The following FOXN3 variants were observed in gnomAD, a reference collection of about 807,000 sequenced individuals.
FOXN3 encodes forkhead box N3.
Under a neutral mutation model 38.4 loss-of-function variants are expected in FOXN3, and 7 were observed. The observed-to-expected ratio is 0.18, with a 90% CI of 0.10 to 0.34. The LOEUF is 0.34. FOXN3 is among the 10% of genes least tolerant of loss of function. FOXN3 has a pLI of 1.00. For synonymous variants in FOXN3, 230 were observed against 242.2 expected, an observed-to-expected ratio of 0.95 and a Z score of 0.47; for missense variants, 456 against 613.4, an observed-to-expected ratio of 0.74 and a Z score of 2.71.
intron 1 of FOXN3, among the ~76,000 whole-genome samples, chr14:89,559,224 A>T (rs1290003323): frequency 1.3e-5 from 2 of 152,090 alleles, no homozygotes; most frequent in Non-Finnish European, 2.9e-5. Flanking sequence ...TGCAAAAAAT[A>T]CAAAAATGTG....
At chr14:89,354,873 T>G (rs1596208856) in intron 2 of FOXN3, among the ~76,000 whole-genome samples, 1 of 151,832 alleles carries the variant, frequency 6.6e-6, no homozygotes, top group South Asian at 2.1e-4. Flanking sequence ...AATAAATAAA[T>G]AAATAAATAA....
At chr14:89,435,896 A>C (rs954188750) in intron 1 of FOXN3, among the ~76,000 whole-genome samples, 1 of 152,168 alleles carries the variant, frequency 6.6e-6, no homozygotes, top group African/African-American at 2.4e-5. Flanking sequence ...CTGAATGAAC[A>C]ACCAAGTTGC....
intron 1 of FOXN3, among the ~76,000 whole-genome samples, chr14:89,491,978 G>T (rs1456483720): frequency 6.6e-6 from 1 of 151,930 alleles, no homozygotes; most frequent in East Asian, 1.9e-4. Context: ...GTTTTGTTTT[G>T]GTTTGTTTCT....
intron 1 of FOXN3, among the ~76,000 whole-genome samples, chr14:89,523,061 G>A (rs388603): frequency 0.27 from 40,722 of 151,868 alleles, 6,350 homozygotes; most frequent in Non-Finnish European, 0.35. Flanking sequence ...AAGAAATCTC[G>A]AATAGCCCTA....
At chr14:89,214,695 G>C (rs989465653) in intron 4 of FOXN3, among the ~76,000 whole-genome samples, 2 of 152,212 alleles carry the variant, frequency 1.3e-5, no homozygotes, top group African/African-American at 4.8e-5. Context: ...CCCTGGAAGT[G>C]GCTCGACTTT....
chr14:89,445,359 G>A (rs1011723857), intron 1 of FOXN3, among the ~76,000 whole-genome samples: 1 of 152,186 alleles, frequency 6.6e-6, no homozygotes, highest in African/African-American at 2.4e-5. Context: ...AATCAATGGA[G>A]CTGCTGTCAT....
At chr14:89,538,871 TCTCA>T (rs1894741127) in intron 1 of FOXN3, among the ~76,000 whole-genome samples, 1 of 151,858 alleles carries the variant, frequency 6.6e-6, no homozygotes, top group South Asian at 2.1e-4. Flanking sequence ...TGAGACGGAG[TCTCA>T]CTCTGTCGCC....
At chr14:89,313,839 G>A (rs576288393) in intron 3 of FOXN3, among the ~76,000 whole-genome samples, 1 of 152,296 alleles carries the variant, frequency 6.6e-6, no homozygotes, top group East Asian at 1.9e-4. Context: ...GCTACAACAT[G>A]GATGAATCTT....
chr14:89,412,399 G>C lies in FOXN3; in HGVS notation c.78C>G (p.Tyr26Ter). 1.9e-6 allele frequency: 3 copies of C among 1,614,128 alleles called. No individual in the cohort carries two copies. Among genetic ancestry groups the C allele is most frequent in the Non-Finnish European group, 2.5e-6 (3 of 1,180,018 alleles). The stretch of plus-strand genomic sequence containing the variant: ...GGGCCTTGGAGAAACCGCTGCCCCC[G>C]TAACACTGACTCAGTCCACTGGAGA... ...ISVSSGLSQC[Y>*]GGSGFSKALQ... Residue 26 changes from tyrosine (Y) to a stop codon, truncating the protein, a stop_gained, in exon 2 of 6, where the codon TAC (tyrosine) becomes TAG (stop). Coordinates refer to ENST00000557258, the MANE Select transcript of FOXN3 (RefSeq NM_005197.4). LOFTEE classifies it high-confidence loss of function. The surrounding 1 kb of genome is among the most constrained non-coding windows in gnomAD (Gnocchi z 4.7).
At position 89,578,366 on chromosome 14, in the gene FOXN3, A is replaced by C. The variant is rs142101758; in HGVS notation, c.-15+40662T>G. ...TTAGTGCTCAGGACTCTGTCCAGGC[A>C]CTTCTGTCTCTTCTACCCCCTCTCT... On this transcript the variant is annotated intron_variant, in intron 1 of 6. Transcript: ENST00000345097. Among the ~76,000 whole-genome samples, 282 of 152,204 alleles carry C rather than the reference A, an allele frequency of 1.9e-3. 2 individuals carry two copies. Among genetic ancestry groups the C allele is most frequent in the African/African-American group, 6.3e-3 (263 of 41,524 alleles).
intron 4 of FOXN3, among the ~76,000 whole-genome samples, chr14:89,242,284 A>G (rs941334918): frequency 2.7e-5 from 4 of 149,860 alleles, no homozygotes; most frequent in African/African-American, 7.4e-5. Context: ...AGAGACCCAC[A>G]GTACTTCCTC....
intron 4 of FOXN3, among the ~76,000 whole-genome samples, chr14:89,181,007 C>T (rs1166999068): frequency 2.0e-5 from 3 of 151,036 alleles, no homozygotes; most frequent in South Asian, 2.1e-4. Context: ...CTCACACAGT[C>T]ATGCACGCGC....
chr14:89,446,087 C>CAAAAAAAAAAAAAA (rs576883864), intron 1 of FOXN3, among the ~76,000 whole-genome samples: 2,431 of 39,886 alleles, frequency 0.061, 416 homozygotes, highest in Non-Finnish European at 0.078. Context: ...GACCCTGCCT[C>CAAAAAAAAAAAAAA]AAAAAAAAAA....
chr14:89,582,379 CAATA>C (rs1217774796), intron 1 of FOXN3, among the ~76,000 whole-genome samples: 1 of 151,664 alleles, frequency 6.6e-6, no homozygotes, highest in Admixed American at 6.6e-5. Flanking sequence ...AATCAGCACG[CAATA>C]AATATTTTTT....
At chr14:89,350,164 A>G (rs1218295911) in intron 3 of FOXN3, 2 of 152,200 alleles carry the variant, frequency 1.3e-5, no homozygotes, top group Non-Finnish European at 2.9e-5. Context: ...AAATGTCTCT[A>G]TTGTTTCTAC....
chr14:89,465,764 T>C (rs2139736629), intron 1 of FOXN3, among the ~76,000 whole-genome samples: 1 of 152,356 alleles, frequency 6.6e-6, no homozygotes, highest in Non-Finnish European at 1.5e-5. Context: ...AGATTTGTTC[T>C]TAATCATTGA....
At chr14:89,409,737 C>T (rs934028145) in intron 2 of FOXN3, among the ~76,000 whole-genome samples, 1 of 152,150 alleles carries the variant, frequency 6.6e-6, no homozygotes, top group Non-Finnish European at 1.5e-5. Context: ...TATACAGAAG[C>T]TTTAAATACC....
At chr14:89,265,733 GGCCA>G (rs1885959079) in intron 4 of FOXN3, among the ~76,000 whole-genome samples, 1 of 152,314 alleles carries the variant, frequency 6.6e-6, no homozygotes, top group Admixed American at 6.5e-5. Flanking sequence ...GAAGGTCCAA[GGCCA>G]GACTGCAGAT....
At chr14:89,246,108 A>G (rs183366181) in intron 4 of FOXN3, among the ~76,000 whole-genome samples, 1 of 152,330 alleles carries the variant, frequency 6.6e-6, no homozygotes, top group East Asian at 1.9e-4. Context: ...CTCTGCGAAA[A>G]AAAACCGCTG....
Sources: allele counts gnomAD v4.1 joint callset (sites outside exome capture counted in the v4.1 genomes callset), GRCh38; gene constraint gnomAD v4.1.1; non-coding constraint Gnocchi (gnomAD v3.1); transcripts MANE v1.5; gene names NCBI Gene and HGNC (gene_info 2026-07-23, HGNC 2026-07-21).